Variants in SCARA5 observed in about 807,000 individuals in gnomAD.
SCARA5 encodes scavenger receptor class A member 5.
In SCARA5, 45 loss-of-function variants were observed where a neutral mutation model predicts 46.3. That is an observed-to-expected ratio of 0.97 (90% CI 0.76 to 1.24). The LOEUF (loss-of-function observed/expected upper bound fraction) is 1.24, where lower values mean the gene tolerates loss of function less well. Ranked by LOEUF, SCARA5 falls within the 50% of genes most tolerant of loss-of-function variation. SCARA5 has a pLI of 0.00. For missense variants in SCARA5, 680 were observed against 689.0 expected (o/e 0.99, Z 0.15); for synonymous variants, 333 against 306.5 (o/e 1.09, Z -0.90).
intron 2 of SCARA5, among the ~76,000 whole-genome samples, chr8:27,981,008 C>T (rs1808606127): frequency 6.6e-6 from 1 of 152,176 alleles, no homozygotes; most frequent in Non-Finnish European, 1.5e-5. Context: ...ATCTCTCCCT[C>T]TCCTTCTTCC....
chr8:27,915,962 G>T (rs186617230), intron 4 of SCARA5, among the ~76,000 whole-genome samples: 3 of 151,498 alleles, frequency 2.0e-5, no homozygotes, highest in East Asian at 1.9e-4. Context: ...CTCCTGGGCT[G>T]CCTCCCCTCT....
intron 3 of SCARA5, among the ~76,000 whole-genome samples, chr8:27,957,213 A>C (rs1808219984): frequency 1.3e-5 from 2 of 152,094 alleles, no homozygotes; most frequent in Admixed American, 6.5e-5. Flanking sequence ...CTGCATGATG[A>C]CTCTCAAGTT....
At chr8:27,918,092 T>C (rs1021059753) in intron 4 of SCARA5, among the ~76,000 whole-genome samples, 1 of 152,114 alleles carries the variant, frequency 6.6e-6, no homozygotes, top group Admixed American at 6.5e-5. Flanking sequence ...GGACTGTGGG[T>C]AACAGAATGA....
At chr8:27,882,943 C>G (rs1806834615) in intron 7 of SCARA5, among the ~76,000 whole-genome samples, 1 of 152,146 alleles carries the variant, frequency 6.6e-6, no homozygotes. Context: ...TCTCTAAAGG[C>G]ATTTCCCCAA....
Position 27,908,388 on chromosome 8 carries a change from C to T in SCARA5, c.998-1142G>A, listed in dbSNP as rs1047412664. Among the ~76,000 whole-genome samples the T allele has an allele frequency of 9.9e-5, 15 of 152,170 alleles. 1 individual carries two copies. The highest frequency in any genetic ancestry group is 6.5e-4 in the Admixed American group (10 of 15,280). ...GAGCCAGCATAAACAAGTCCTTGAC[C>T]GAGTGAGAGCCCTGGCCCCATGAGG... On this transcript the variant is annotated intron_variant, in intron 5 of 8. Transcript: ENST00000354914.
At chr8:27,935,374 G>A (rs1057204079) in intron 3 of SCARA5, among the ~76,000 whole-genome samples, 3 of 152,162 alleles carry the variant, frequency 2.0e-5, no homozygotes, top group Non-Finnish European at 4.4e-5. Flanking sequence ...GGCCAACAGG[G>A]GGGTTAGCAA....
At chr8:27,883,960 TC>T (rs1806851153) in intron 7 of SCARA5, among the ~76,000 whole-genome samples, 1 of 78,356 alleles carries the variant, frequency 1.3e-5, no homozygotes, top group Admixed American at 1.3e-4. Context: ...GCAAAGACTT[TC>T]ATAGGTCCCG....
At chr8:27,971,874 T>C (rs188094848) in intron 2 of SCARA5, among the ~76,000 whole-genome samples, 12 of 152,218 alleles carry the variant, frequency 7.9e-5, no homozygotes, top group Non-Finnish European at 1.3e-4. Context: ...CTCCCCTGCA[T>C]ACAGCCTGCA....
intron 3 of SCARA5, among the ~76,000 whole-genome samples, chr8:27,938,536 A>T (rs549764269): frequency 6.6e-6 from 1 of 152,334 alleles, no homozygotes; most frequent in South Asian, 2.1e-4. Context: ...GTTTAGAGAT[A>T]AATGACTTGC....
intron 8 of SCARA5, among the ~76,000 whole-genome samples, chr8:27,877,352 C>T (rs1005657874): frequency 2.6e-5 from 4 of 152,142 alleles, no homozygotes; most frequent in Admixed American, 6.5e-5. Flanking sequence ...AGCTTCCTAT[C>T]GACCAGTTTA....
chr8:27,948,363 G>C (rs1470608238), intron 3 of SCARA5, among the ~76,000 whole-genome samples: 7 of 152,192 alleles, frequency 4.6e-5, no homozygotes, highest in African/African-American at 1.7e-4. Context: ...TGGGAGGGAG[G>C]CAGGGAGGCC....
At chr8:27,886,348 G>A (rs1469011967) in intron 7 of SCARA5, among the ~76,000 whole-genome samples, 1 of 152,158 alleles carries the variant, frequency 6.6e-6, no homozygotes, top group African/African-American at 2.4e-5. Context: ...CCAAATCAGA[G>A]GCCACATTTT....
intron 6 of SCARA5, among the ~76,000 whole-genome samples, chr8:27,905,072 G>C (rs1317153886): frequency 6.6e-6 from 1 of 152,028 alleles, no homozygotes; most frequent in African/African-American, 2.4e-5. Flanking sequence ...AAGAACCAAA[G>C]AGCACATGGA....
rs751386855 is a variant in SCARA5, at chr8:27,879,783, C to A, written c.1154-17G>T. On this transcript the variant is annotated splice_polypyrimidine_tract_variant and intron_variant, in intron 7 of 8. Transcript: ENST00000354914. ...CCACGCCACCTGCCGGAGCAGCCAACTGTCACTACCCAGCTCTAGATACAC... is the reference window on the plus strand; with the variant it reads ...CCACGCCACCTGCCGGAGCAGCCAAATGTCACTACCCAGCTCTAGATACAC... The A allele has an allele frequency of 1.7e-5, 28 of 1,611,516 alleles. No homozygotes were observed. The highest frequency in any genetic ancestry group is 2.3e-5 in the Non-Finnish European group (27 of 1,179,738).
At chr8:27,873,509 C>G (rs1255075827) in intron 8 of SCARA5, among the ~76,000 whole-genome samples, 2 of 152,098 alleles carry the variant, frequency 1.3e-5, no homozygotes, top group African/African-American at 4.8e-5. Flanking sequence ...ATTCCTTCTC[C>G]TGGCTCAAAA....
At chr8:27,921,026 A>AAACAAAC in intron 4 of SCARA5, among the ~76,000 whole-genome samples, 1 of 123,902 alleles carries the variant, frequency 8.1e-6, no homozygotes, top group East Asian at 2.5e-4. Context: ...AACAAACAAA[A>AAACAAAC]AACAGTTACA....
At chr8:27,964,791 C>G (rs1290288793) in intron 3 of SCARA5, among the ~76,000 whole-genome samples, 1 of 152,136 alleles carries the variant, frequency 6.6e-6, no homozygotes, top group Non-Finnish European at 1.5e-5. Flanking sequence ...CCAAACCCCC[C>G]ACCAGCCTGG....
intron 3 of SCARA5, among the ~76,000 whole-genome samples, chr8:27,954,676 T>A (rs1808180578): frequency 6.6e-6 from 1 of 152,218 alleles, no homozygotes; most frequent in Non-Finnish European, 1.5e-5. Context: ...CCATTTTCTT[T>A]CTTTGTACTC....
rs188120234 is a variant in SCARA5, at chr8:27,871,832, G to T, written c.*102C>A. 1.3e-5 allele frequency: 20 copies of T among 1,579,462 alleles called. No individual in the cohort carries two copies. The highest frequency in any genetic ancestry group is 2.2e-5 in the East Asian group (1 of 44,548). On this transcript the variant is annotated 3_prime_UTR_variant, in exon 9 of 9. Coordinates refer to ENST00000354914, the MANE Select transcript of SCARA5 (RefSeq NM_173833.6). Reference sequence around the variant, plus strand: ...GTGAGGACTGAGAATGCTGGACGGGGTGTGGTCGAGGCATGGTCAGGGTGG... The same window carrying T: ...GTGAGGACTGAGAATGCTGGACGGGTTGTGGTCGAGGCATGGTCAGGGTGG...
Sources: gnomAD v4.1 joint callset for allele counts (sites outside exome capture counted in the v4.1 genomes callset) on GRCh38, gnomAD v4.1.1 for gene constraint, MANE v1.5 for transcripts, NCBI Gene and HGNC (gene_info 2026-07-23, HGNC 2026-07-21) for gene names.